The following DNAH11 variants were observed in gnomAD, a reference collection of about 807,000 sequenced individuals.
The protein encoded by DNAH11 is axonemal beta dynein heavy chain 11.
DNAH11 carries 442 observed loss-of-function variants against 526.0 expected under a neutral mutation model. That is an observed-to-expected ratio of 0.84 (90% CI 0.78 to 0.91). The LOEUF is 0.91. Among genes scored for constraint, DNAH11 ranks in the 40% least tolerant of loss-of-function variants. DNAH11 has a pLI of 0.00. For missense variants in DNAH11, 6,989 were observed against 5,448.7 expected, an observed-to-expected ratio of 1.28 and a Z score of -8.90; for synonymous variants, 2,461 against 1,935.9, an observed-to-expected ratio of 1.27 and a Z score of -7.12.
At chr7:21,831,028 T>C (rs1036282710) in intron 65 of DNAH11, among the ~76,000 whole-genome samples, 4 of 152,188 alleles carry the variant, frequency 2.6e-5, no homozygotes, top group Non-Finnish European at 5.9e-5. Context: ...GTGCCAGATT[T>C]GGAGATTCAC....
At position 21,655,963 on chromosome 7, in the gene DNAH11, G is replaced by A; in HGVS notation, c.5076G>A (p.Glu1692=). ...KEKEYVPFQA[E]CECVGHVETW... ...AGGAGTATGTCCCATTCCAAGCCGA[G>A]TGTGAATGTGTGGGCCATGTAAGAT... The change falls in exon 29 of 82, where the codon GAG becomes GAA. Residue 1692 remains glutamate (E), a synonymous_variant. Coordinates refer to ENST00000409508, the MANE Select transcript of DNAH11 (RefSeq NM_001277115.2). 4.4e-6 allele frequency: 7 copies of A among 1,604,234 alleles called. No individual in the cohort carries two copies. The highest frequency in any genetic ancestry group is 6.0e-6 in the Non-Finnish European group (7 of 1,174,216).
rs777694425 is a variant in DNAH11, at chr7:21,899,393, C to T, written c.13107C>T (p.Thr4369=). The change falls in exon 80 of 82, where the codon ACC becomes ACT. Residue 4369 remains threonine (T), a synonymous_variant. Coordinates refer to ENST00000409508, the MANE Select transcript of DNAH11 (RefSeq NM_001277115.2). ...RELDTWTQDL[T]LPAVVWLSGF... ...TCGATACTTGGACACAAGACCTTAC[C>T]CTTCCGGCTGTCGTGTGGCTCTCCG... The T allele has an allele frequency of 1.4e-5, 22 of 1,613,868 alleles. No homozygotes were observed. The highest frequency in any genetic ancestry group is 1.7e-5 in the Non-Finnish European group (20 of 1,179,876).
intron 36 of DNAH11, among the ~76,000 whole-genome samples, chr7:21,701,198 C>T (rs1413961079): frequency 2.0e-5 from 3 of 152,190 alleles, no homozygotes; most frequent in Middle Eastern, 3.4e-3. Context: ...TGATCTTTTC[C>T]ATGGCCCACA....
chr7:21,860,590 G>A (rs547927356), intron 68 of DNAH11, among the ~76,000 whole-genome samples: 25 of 152,250 alleles, frequency 1.6e-4, no homozygotes, highest in African/African-American at 4.3e-4. Context: ...TTGTATATCC[G>A]TGCAGTTGAA....
intron 45 of DNAH11, among the ~76,000 whole-genome samples, chr7:21,729,087 T>G (rs1019895157): frequency 2.0e-5 from 3 of 152,214 alleles, no homozygotes; most frequent in Middle Eastern, 3.2e-3. Flanking sequence ...TCTGTACCTT[T>G]CGGGCCGGCC....
chr7:21,806,846 C>G (rs1188721345), intron 62 of DNAH11, among the ~76,000 whole-genome samples: 2 of 152,144 alleles, frequency 1.3e-5, no homozygotes, highest in African/African-American at 4.8e-5. Context: ...ACCTGTAAAT[C>G]AGATTTTAAA....
chr7:21,813,741 T>G (rs1413187258), intron 63 of DNAH11, among the ~76,000 whole-genome samples: 3 of 152,118 alleles, frequency 2.0e-5, no homozygotes, highest in African/African-American at 7.2e-5. Context: ...ACATCCTGAC[T>G]CACAACATGT....
intron 22 of DNAH11, 83 bp from the exon 23 acceptor site, chr7:21,617,536 A>G: frequency 6.8e-7 from 1 of 1,475,136 alleles, no homozygotes. Flanking sequence ...AGGAGTTGGG[A>G]AATATATGTC....
intron 61 of DNAH11, among the ~76,000 whole-genome samples, chr7:21,798,925 A>T (rs913221690): frequency 3.3e-5 from 5 of 152,086 alleles, no homozygotes; most frequent in African/African-American, 9.7e-5. Context: ...AAATAAATAA[A>T]TTTTTAAATT....
chr7:21,637,570 T>A (rs1360747193), intron 26 of DNAH11, 41 bp from the exon 27 acceptor site: 1 of 1,235,698 alleles, frequency 8.1e-7, no homozygotes. Flanking sequence ...TTAGAAAAGA[T>A]TGTTCTAATA....
At chr7:21,567,524 C>G (rs936863152) in intron 6 of DNAH11, among the ~76,000 whole-genome samples, 10 of 152,136 alleles carry the variant, frequency 6.6e-5, no homozygotes, top group African/African-American at 2.2e-4. Flanking sequence ...AGCATTTCAG[C>G]CTCCACTGAA....
At chr7:21,558,739 A>C in intron 2 of DNAH11, 63 bp from the exon 3 acceptor site, 2 of 1,321,700 alleles carry the variant, frequency 1.5e-6, no homozygotes, top group Non-Finnish European at 2.1e-6. Context: ...TTTGTACGAC[A>C]AGAAAATCTT....
intron 23 of DNAH11, among the ~76,000 whole-genome samples, chr7:21,618,015 C>A (rs547250253): frequency 6.6e-6 from 1 of 152,300 alleles, no homozygotes; most frequent in South Asian, 2.1e-4. Context: ...TGGCTTCCAT[C>A]TCCATTTGTC....
chr7:21,545,713 A>C (rs1269785259), intron 2 of DNAH11, among the ~76,000 whole-genome samples: 1 of 152,228 alleles, frequency 6.6e-6, no homozygotes, highest in Non-Finnish European at 1.5e-5. Context: ...TGACACTTTA[A>C]TGTGCATAAG....
In DNAH11 at chr7:21,545,140, C is replaced by T; in HGVS notation, c.486C>T (p.Phe162=). 1.2e-6 allele frequency: 2 copies of T among 1,609,276 alleles called. No homozygotes were observed. The highest frequency in any genetic ancestry group is 1.7e-6 in the Non-Finnish European group (2 of 1,177,688). ...PALSLGHVSA[F]LDEILVPVLS... ...TGTCTCTTGGACATGTATCTGCTTTCCTTGATGAGGTACTGGTCTGTCTTT... is the reference window on the plus strand; with the variant it reads ...TGTCTCTTGGACATGTATCTGCTTTTCTTGATGAGGTACTGGTCTGTCTTT... Residue 162 remains phenylalanine, a synonymous_variant, in exon 2 of 82, where the codon TTC becomes TTT. Coordinates refer to ENST00000409508, the MANE Select transcript of DNAH11 (RefSeq NM_001277115.2).
At chr7:21,720,696 G>A in intron 43 of DNAH11, 29 bp from the exon 44 acceptor site, 1 of 1,531,116 alleles carries the variant, frequency 6.5e-7, no homozygotes, top group Non-Finnish European at 8.8e-7. Context: ...AAAAAATGTT[G>A]CCTTATTTGA....
At chr7:21,709,755 C>T (rs1562502070) in intron 40 of DNAH11, among the ~76,000 whole-genome samples, 1 of 151,984 alleles carries the variant, frequency 6.6e-6, no homozygotes, top group Non-Finnish European at 1.5e-5. Flanking sequence ...GGCTGAAAAA[C>T]TGTGGAAACT....
In DNAH11 at chr7:21,725,823, C is replaced by G. The variant is rs202236144; in HGVS notation, c.7279C>G (p.Gln2427Glu). The change falls in exon 45 of 82, where the codon CAA (glutamine) becomes GAA (glutamate). Residue 2427 changes from glutamine to glutamate, a missense_variant. Transcript: ENST00000409508. ...TTGTTCTCCTTAGATTTCTGATTAT[C>G]AAGCTGACTTCAGTCGGTGGTGGCA... is the stretch of plus-strand genomic sequence containing the variant. ...TLLQDQISDYQADFSRWWQKE... is the reference protein window; with the variant it reads ...TLLQDQISDYEADFSRWWQKE... 136 of 1,610,860 alleles carry G rather than the reference C, an allele frequency of 8.4e-5. No individual in the cohort carries two copies. Among genetic ancestry groups the G allele is most frequent in the Non-Finnish European group, 1.1e-4 (131 of 1,178,552 alleles).
chr7:21,789,785 CTTTCTTTCTTTCTTTCTTTCTTT>C (rs1248033752), intron 61 of DNAH11, among the ~76,000 whole-genome samples: 46 of 94,506 alleles, frequency 4.9e-4, no homozygotes, highest in African/African-American at 1.4e-3. Flanking sequence ...TTCTTTCTTT[CTTTCTTTCTTTCTTTCTTTCTTT>C]TTTCTTTCTT....
Sources: gnomAD v4.1 joint callset for allele counts (sites outside exome capture counted in the v4.1 genomes callset) on GRCh38, gnomAD v4.1.1 for gene constraint, MANE v1.5 for transcripts, NCBI Gene and HGNC (gene_info 2026-07-23, HGNC 2026-07-21) for gene names.